CMKLR2: variants seen among roughly 807,000 people sequenced by gnomAD.
CMKLR2 encodes chemerin-like receptor 2.
CMKLR2 carries 18 observed loss-of-function variants against 23.0 expected under a neutral mutation model. That is an observed-to-expected ratio of 0.78 (90% CI 0.54 to 1.16). CMKLR2 has a LOEUF of 1.16. Among genes scored for constraint, CMKLR2 ranks in the 50% most tolerant of loss-of-function variants. The pLI is 0.00. For missense variants in CMKLR2, 401 were observed against 412.7 expected (o/e 0.97, Z 0.25); for synonymous variants, 158 against 158.9 (o/e 0.99, Z 0.05).
At chr2:206,182,220 A>G (rs1162945090) in intron 1 of CMKLR2, among the ~76,000 whole-genome samples, 2 of 152,114 alleles carry the variant, frequency 1.3e-5, no homozygotes, top group East Asian at 3.9e-4. Context: ...TTAACAAACA[A>G]CACTGAAGCT....
Position 206,176,452 on chromosome 2 carries a change from T to C in CMKLR2, c.796A>G (p.Ser266Gly), listed in dbSNP as rs1482354373. The C allele has an allele frequency of 1.2e-6, 2 of 1,614,124 alleles. No homozygotes were observed. Among genetic ancestry groups the C allele is most frequent in the African/African-American group, 2.7e-5 (2 of 75,036 alleles). ...TGGTGAATGGTGAGCTCCCAAATGC[T>C]AAACAGGTGATAAGGAGTCCAGCAA... ...VVCWTPYHLF[S>G]IWELTIHHNS... Residue 266 changes from serine (S) to glycine (G), a missense_variant, in exon 2 of 2, where the codon AGC becomes GGC. Transcript: ENST00000621141.
intron 1 of CMKLR2, among the ~76,000 whole-genome samples, chr2:206,179,366 C>G (rs561431552): frequency 6.9e-6 from 1 of 145,436 alleles, no homozygotes; most frequent in African/African-American, 2.5e-5. Context: ...TGAGCCACCG[C>G]ACCCAGCCTT....
chr2:206,202,393 CTG>C (rs1689126957), intron 1 of CMKLR2, among the ~76,000 whole-genome samples: 2 of 152,304 alleles, frequency 1.3e-5, no homozygotes, highest in Admixed American at 1.3e-4. Context: ...AATCTTTAGA[CTG>C]TTTGAAACGG....
At chr2:206,192,758 G>T (rs528802350) in intron 1 of CMKLR2, among the ~76,000 whole-genome samples, 1 of 152,052 alleles carries the variant, frequency 6.6e-6, no homozygotes, top group African/African-American at 2.4e-5. Flanking sequence ...CTTGATCATA[G>T]TAGAGAGAAA....
intron 1 of CMKLR2, among the ~76,000 whole-genome samples, chr2:206,187,381 C>T (rs536516462): frequency 5.5e-4 from 84 of 152,242 alleles, no homozygotes; most frequent in African/African-American, 2.0e-3. Flanking sequence ...AACTTTGGGG[C>T]AGAGCACAGC....
At chr2:206,183,034 G>C (rs1037826850) in intron 1 of CMKLR2, among the ~76,000 whole-genome samples, 4 of 152,046 alleles carry the variant, frequency 2.6e-5, no homozygotes, top group Non-Finnish European at 5.9e-5. Context: ...CATTCTTTCA[G>C]GCCTGGGATC....
At chr2:206,187,877 A>T (rs528515194) in intron 1 of CMKLR2, among the ~76,000 whole-genome samples, 1 of 152,110 alleles carries the variant, frequency 6.6e-6, no homozygotes, top group Non-Finnish European at 1.5e-5. Flanking sequence ...AAATGAAGAC[A>T]GATAGTAGGT....
At chr2:206,179,521 G>A (rs769231780) in intron 1 of CMKLR2, among the ~76,000 whole-genome samples, 3 of 151,088 alleles carry the variant, frequency 2.0e-5, no homozygotes, top group Non-Finnish European at 4.4e-5. Context: ...AGTAGAGACA[G>A]GGTTTCACCA....
intron 1 of CMKLR2, chr2:206,203,489 A>G (rs1689185732): frequency 6.6e-6 from 1 of 152,088 alleles, no homozygotes; most frequent in South Asian, 2.1e-4. Flanking sequence ...GGTTTAATCA[A>G]TCATGACTAA....
chr2:206,209,192 G>T (rs1381777652), intron 1 of CMKLR2, among the ~76,000 whole-genome samples: 1 of 151,942 alleles, frequency 6.6e-6, no homozygotes, highest in Non-Finnish European at 1.5e-5. Flanking sequence ...ACAAAAATTA[G>T]CCAGGCATGG....
intron 1 of CMKLR2, among the ~76,000 whole-genome samples, chr2:206,177,706 T>C (rs1016232613): frequency 2.0e-5 from 3 of 152,166 alleles, no homozygotes; most frequent in Non-Finnish European, 4.4e-5. Flanking sequence ...TATTTTTTGA[T>C]AGGACTTGTG....
Position 206,176,007 on chromosome 2 carries a change from G to C in CMKLR2, c.*173C>G, listed in dbSNP as rs1209066044. 6.4e-6 allele frequency: 3 copies of C among 467,528 alleles called. No homozygotes were observed. In the Admixed American group the frequency reaches 1.1e-4, roughly 18 times the overall value. The allele number at this position is 467,528 out of a possible 1,614,324, so 29.0% of individuals were successfully genotyped here. On this transcript the variant is annotated 3_prime_UTR_variant, in exon 2 of 2. Coordinates refer to ENST00000621141, the MANE Select transcript of CMKLR2 (RefSeq NM_001389445.1). ...ATTGCCACATCACAAGGAGTCAAGA[G>C]GATCCTTCCTAAGTTTCATATCCAC...
chr2:206,212,020 G>C (rs1689586270), intron 1 of CMKLR2, among the ~76,000 whole-genome samples: 1 of 151,958 alleles, frequency 6.6e-6, no homozygotes, highest in African/African-American at 2.4e-5. Flanking sequence ...GCTGGTGCCT[G>C]ATAACAAATC....
chr2:206,189,058 G>A (rs575232904), intron 1 of CMKLR2, among the ~76,000 whole-genome samples: 2 of 152,282 alleles, frequency 1.3e-5, no homozygotes, highest in African/African-American at 2.4e-5. Context: ...AACATTTGGC[G>A]AATGAAGAGA....
At chr2:206,196,807 T>C (rs1278982188) in intron 1 of CMKLR2, among the ~76,000 whole-genome samples, 1 of 152,150 alleles carries the variant, frequency 6.6e-6, no homozygotes, top group Non-Finnish European at 1.5e-5. Flanking sequence ...CAGGATGACT[T>C]TACAAGAACC....
chr2:206,179,504 T>C (rs1484283823), intron 1 of CMKLR2, among the ~76,000 whole-genome samples: 2 of 149,998 alleles, frequency 1.3e-5, no homozygotes, highest in African/African-American at 4.9e-5. Flanking sequence ...AGCCTCCAGG[T>C]ATTTTTAGTA....
At chr2:206,217,785 T>C (rs1689801230), upstream of CMKLR2, 1 of 152,026 alleles carries the variant, frequency 6.6e-6, no homozygotes, top group African/African-American at 2.4e-5. Flanking sequence ...GTGTGAAGCT[T>C]TGGGGGGCAA....
chr2:206,213,095 G>C (rs1249433262), intron 1 of CMKLR2, among the ~76,000 whole-genome samples: 2 of 152,152 alleles, frequency 1.3e-5, no homozygotes, highest in Non-Finnish European at 2.9e-5. Context: ...CAGCTGTAGC[G>C]AACCCTGTAG....
At chr2:206,186,131 T>TTTTTTTG (rs200949973) in intron 1 of CMKLR2, among the ~76,000 whole-genome samples, 1 of 140,138 alleles carries the variant, frequency 7.1e-6, no homozygotes, top group African/African-American at 2.7e-5. Flanking sequence ...TTTTTTTTTT[T>TTTTTTTG]GATGGAGTCT....
Sources: gnomAD v4.1 joint callset for allele counts (sites outside exome capture counted in the v4.1 genomes callset) on GRCh38, gnomAD v4.1.1 for gene constraint, MANE v1.5 for transcripts, NCBI Gene and HGNC (gene_info 2026-07-23, HGNC 2026-07-21) for gene names.